DPH6: variants seen among roughly 807,000 people sequenced by gnomAD.
DPH6 encodes diphthamine biosynthesis 6.
DPH6 carries 33 observed loss-of-function variants against 38.2 expected under a neutral mutation model. The observed-to-expected ratio is 0.86, with a 90% CI of 0.65 to 1.15. DPH6 has a LOEUF of 1.15. DPH6 is among the 50% of genes most tolerant of loss of function. The pLI, the probability that DPH6 is intolerant of heterozygous loss-of-function variation, is 0.00. For missense variants in DPH6, 325 were observed against 320.0 expected (o/e 1.02, Z -0.12); for synonymous variants, 108 against 103.0 (o/e 1.05, Z -0.30).
intron 6 of DPH6, among the ~76,000 whole-genome samples, chr15:35,403,043 T>C (rs1359012928): frequency 1.3e-5 from 2 of 152,072 alleles, no homozygotes; most frequent in Non-Finnish European, 2.9e-5. Context: ...GAACATGGCA[T>C]GTTAGAAGAA....
chr15:35,447,570 G>A (rs2053872372), intron 5 of DPH6, among the ~76,000 whole-genome samples: 1 of 151,322 alleles, frequency 6.6e-6, no homozygotes, highest in Non-Finnish European at 1.5e-5. Flanking sequence ...ACTTCTCCTT[G>A]GCAGATATTA....
At chr15:35,543,712 T>G (rs1219939884) in intron 1 of DPH6, among the ~76,000 whole-genome samples, 1 of 152,088 alleles carries the variant, frequency 6.6e-6, no homozygotes, top group Non-Finnish European at 1.5e-5. Context: ...ATTCCAAAAC[T>G]TCTCAAGTGG....
At position 35,430,077 on chromosome 15, in the gene DPH6, A is replaced by G. The variant is rs2053613078; in HGVS notation, c.506-19181T>C. Among the ~76,000 whole-genome samples the G allele has an allele frequency of 2.0e-5, 3 of 152,158 alleles. No individual in the cohort carries two copies. The South Asian group carries it at 6.2e-4, about 32-fold the overall frequency. On this transcript the variant is annotated intron_variant, in intron 5 of 8. Coordinates refer to ENST00000256538, the MANE Select transcript of DPH6 (RefSeq NM_080650.4). ...TAAAGGCTGAATTTAAAAAGAAATC[A>G]TCAAAAATGATATTGACCTGTTCAA...
At chr15:35,156,568 A>G in the DPH6 span, among the ~76,000 whole-genome samples, 1 of 152,024 alleles carries the variant, frequency 6.6e-6, no homozygotes, top group African/African-American at 2.4e-5. Flanking sequence ...GATGGGGCAC[A>G]CTTATTTGAG....
At chr15:35,232,182 G>A (rs1047960057) in intron 3 of DPH6, among the ~76,000 whole-genome samples, 4 of 152,192 alleles carry the variant, frequency 2.6e-5, no homozygotes, top group Non-Finnish European at 1.5e-5. Context: ...AAGAGATTTA[G>A]TGTCTTTGGA....
intron 3 of DPH6, among the ~76,000 whole-genome samples, chr15:35,476,348 A>G (rs184881217): frequency 6.6e-6 from 1 of 151,910 alleles, no homozygotes. Context: ...AGGATAATGG[A>G]AAAACAGAAG....
chr15:35,546,033 G>T, intron 1 of DPH6, 86 bp downstream of exon 1: 2 of 1,196,178 alleles, frequency 1.7e-6, no homozygotes, highest in Non-Finnish European at 2.2e-6. Flanking sequence ...CTCAGACGGA[G>T]ACACCCACTC....
At chr15:35,478,366 T>C (rs911648568) in intron 3 of DPH6, among the ~76,000 whole-genome samples, 19 of 142,138 alleles carry the variant, frequency 1.3e-4, no homozygotes, top group Admixed American at 3.5e-4. Flanking sequence ...TACCCACACA[T>C]ACACACACAC....
chr15:35,386,539 A>C (rs1475414922), intron 6 of DPH6, among the ~76,000 whole-genome samples: 1 of 152,186 alleles, frequency 6.6e-6, no homozygotes, highest in Non-Finnish European at 1.5e-5. Flanking sequence ...TCGCCATTCT[A>C]ACTGGTGTGA....
chr15:35,378,679 C>G lies in DPH6; in HGVS notation c.662+3143G>C, dbSNP rs143893373. Reference sequence around the variant, plus strand: ...GGATGAGTTCATGTCCTTTCAGGGACAAGGATGAAGCTGAAAACCATCATT... The same window carrying G: ...GGATGAGTTCATGTCCTTTCAGGGAGAAGGATGAAGCTGAAAACCATCATT... On this transcript the variant is annotated intron_variant, in intron 7 of 8. Transcript: ENST00000256538. 2.2e-3 allele frequency among the ~76,000 whole-genome samples: 339 copies of G among 152,146 alleles called. 1 individual carries two copies. Among genetic ancestry groups the G allele is most frequent in the South Asian group, 0.017 (84 of 4,818 alleles).
chr15:35,519,841 T>C (rs1024969647), intron 3 of DPH6: 1 of 152,024 alleles, frequency 6.6e-6, no homozygotes, highest in Admixed American at 6.6e-5. Context: ...AAGCCTGATA[T>C]AAAGGGGAAA....
chr15:35,424,372 C>T (rs1040786941), intron 5 of DPH6, among the ~76,000 whole-genome samples: 1 of 151,346 alleles, frequency 6.6e-6, no homozygotes, highest in Non-Finnish European at 1.5e-5. Flanking sequence ...TTGTTATTTG[C>T]ATATAGAAAT....
At chr15:35,419,305 T>A (rs926776024) in intron 5 of DPH6, among the ~76,000 whole-genome samples, 1 of 152,046 alleles carries the variant, frequency 6.6e-6, no homozygotes, top group Non-Finnish European at 1.5e-5. Context: ...GGTCATATAA[T>A]CTCTAAAAAA....
At chr15:35,501,426 C>A (rs776952675) in intron 3 of DPH6, among the ~76,000 whole-genome samples, 1 of 152,140 alleles carries the variant, frequency 6.6e-6, no homozygotes, top group Non-Finnish European at 1.5e-5. Context: ...ATAACTTTTT[C>A]TAGGAATCTT....
chr15:35,178,457 G>A, the DPH6 span, among the ~76,000 whole-genome samples: 1 of 151,764 alleles, frequency 6.6e-6, no homozygotes, highest in Non-Finnish European at 1.5e-5. Flanking sequence ...ATCAGATCTT[G>A]TGAGACTTAT....
chr15:35,460,474 G>A (rs1049428017), intron 3 of DPH6, among the ~76,000 whole-genome samples: 1 of 152,102 alleles, frequency 6.6e-6, no homozygotes, highest in Non-Finnish European at 1.5e-5. Context: ...GGGGCTCTCC[G>A]ACACAAGTGA....
At chr15:35,467,996 C>CATTGT (rs1468060019) in intron 3 of DPH6, among the ~76,000 whole-genome samples, 2 of 152,168 alleles carry the variant, frequency 1.3e-5, no homozygotes, top group African/African-American at 2.4e-5. Context: ...TTAACCAAAA[C>CATTGT]ATTGTTAAGT....
rs534205781 is a variant in DPH6, at chr15:35,351,422, G to A, written n.208-20345C>T. Among the ~76,000 whole-genome samples the A allele has an allele frequency of 8.5e-5, 13 of 152,130 alleles. No individual in the cohort carries two copies. In the South Asian group the frequency reaches 1.7e-3, roughly 19 times the overall value. ...TTATATTTAAAGTAATTATTGATAG[G>A]TTAGGACTTACTCTTGCCATTTGGT... On this transcript the variant is annotated intron_variant and non_coding_transcript_variant, in intron 3 of 3. Coordinates refer to the DPH6 transcript ENST00000558973.
chr15:35,385,758 T>A (rs1000831595), intron 6 of DPH6, among the ~76,000 whole-genome samples: 1 of 152,130 alleles, frequency 6.6e-6, no homozygotes, highest in African/African-American at 2.4e-5. Context: ...GAACTTAAAG[T>A]ATAATAATAA....
Sources: allele counts gnomAD v4.1 joint callset (sites outside exome capture counted in the v4.1 genomes callset), GRCh38; gene constraint gnomAD v4.1.1; transcripts MANE v1.5; gene names NCBI Gene and HGNC (gene_info 2026-07-23, HGNC 2026-07-21).